The following IL1RAPL2 variants were observed in gnomAD, a reference collection of about 807,000 sequenced individuals.
IL1RAPL2 encodes interleukin 1 receptor accessory protein like 2.
A neutral mutation model predicts 44.1 loss-of-function variants in IL1RAPL2; 3 were observed. That is an observed-to-expected ratio of 0.07 (90% CI 0.03 to 0.18). IL1RAPL2 has a LOEUF of 0.18. Ranked by LOEUF, IL1RAPL2 falls within the 10% of genes least tolerant of loss-of-function variation. The probability of loss-of-function intolerance (pLI) is 1.00; values close to 1 mark genes in which losing one functional copy is unlikely to be tolerated. For missense variants in IL1RAPL2, 391 were observed against 496.4 expected (o/e 0.79, Z 2.02); for synonymous variants, 181 against 178.8 (o/e 1.01, Z -0.10).
chrX:105,633,657 C>G (rs1188965190), intron 6 of IL1RAPL2, among the ~76,000 whole-genome samples: 1 of 111,534 alleles, frequency 9.0e-6, no homozygotes, highest in East Asian at 2.8e-4. Flanking sequence ...GGTTCTCGCA[C>G]CACTTCCACT....
chrX:104,761,802 A>T (rs1175655995), intron 2 of IL1RAPL2, among the ~76,000 whole-genome samples: 8 of 97,696 alleles, frequency 8.2e-5, no homozygotes, highest in Admixed American at 1.1e-4. Flanking sequence ...CAGTCAAATC[A>T]TCTCCTTCTC....
chrX:105,028,378 G>C (rs566583010), intron 2 of IL1RAPL2, among the ~76,000 whole-genome samples: 8 of 111,732 alleles, frequency 7.2e-5, no homozygotes, highest in African/African-American at 2.6e-4. Flanking sequence ...TGATGGGATA[G>C]ATATCCTATT....
intron 2 of IL1RAPL2, among the ~76,000 whole-genome samples, chrX:104,809,239 G>T (rs1932950748): frequency 9.0e-6 from 1 of 111,686 alleles, no homozygotes; most frequent in African/African-American, 3.3e-5. Context: ...GCTTACTTTG[G>T]TCAATGAAAT....
At chrX:104,662,597 C>A (rs1451882600) in intron 2 of IL1RAPL2, among the ~76,000 whole-genome samples, 2 of 111,236 alleles carry the variant, frequency 1.8e-5, no homozygotes, top group East Asian at 5.7e-4. Flanking sequence ...GACACAGGTA[C>A]CTAAAACTAA....
At chrX:104,600,316 G>A (rs1224451088) in intron 1 of IL1RAPL2, among the ~76,000 whole-genome samples, 1 of 111,423 alleles carries the variant, frequency 9.0e-6, no homozygotes, top group Non-Finnish European at 1.9e-5. Context: ...TAACTGTACA[G>A]AACTAGAAGC....
At chrX:104,642,940 G>A (rs1929962638) in intron 1 of IL1RAPL2, among the ~76,000 whole-genome samples, 1 of 112,103 alleles carries the variant, frequency 8.9e-6, no homozygotes, top group Non-Finnish European at 1.9e-5. Context: ...TTGTTATTAG[G>A]AATGTTAGAA....
intron 2 of IL1RAPL2, among the ~76,000 whole-genome samples, chrX:105,076,038 T>A (rs1315751486): frequency 9.0e-6 from 1 of 111,597 alleles, no homozygotes; most frequent in Non-Finnish European, 1.9e-5. Context: ...GTGTCTCTAT[T>A]TCCTTCAGTT....
At chrX:105,728,356 A>ATACTT (rs1276457047) in intron 7 of IL1RAPL2, among the ~76,000 whole-genome samples, 3 of 111,548 alleles carry the variant, frequency 2.7e-5, no homozygotes, top group African/African-American at 6.5e-5. Context: ...TCATGACAAA[A>ATACTT]TACTTTAAAA....
intron 1 of IL1RAPL2, among the ~76,000 whole-genome samples, chrX:104,655,662 G>T (rs1930241211): frequency 9.0e-6 from 1 of 111,445 alleles, no homozygotes; most frequent in Non-Finnish European, 1.9e-5. Context: ...GCCAGGCTTT[G>T]GTATCAGGAT....
intron 2 of IL1RAPL2, among the ~76,000 whole-genome samples, chrX:104,950,265 T>C (rs917095994): frequency 5.3e-5 from 6 of 112,303 alleles, no homozygotes; most frequent in Non-Finnish European, 9.4e-5. Context: ...TTGTTTTCCA[T>C]TTCCTTGGTA....
At chrX:104,933,546 GT>G (rs771775932) in intron 2 of IL1RAPL2, among the ~76,000 whole-genome samples, 1 of 111,657 alleles carries the variant, frequency 9.0e-6, no homozygotes, top group Non-Finnish European at 1.9e-5. Context: ...TGAAGTAGTG[GT>G]AAATTATCTT....
At chrX:104,949,329 C>T (rs1324988363) in intron 2 of IL1RAPL2, among the ~76,000 whole-genome samples, 1 of 111,220 alleles carries the variant, frequency 9.0e-6, no homozygotes, top group South Asian at 3.8e-4. Context: ...ATTAGTCTTG[C>T]TAGCAGTCTA....
At chrX:104,582,596 T>TTTTC (rs201257788) in intron 1 of IL1RAPL2, among the ~76,000 whole-genome samples, 2,777 of 52,076 alleles carry the variant, frequency 0.053, 71 homozygotes, top group Non-Finnish European at 0.083. Flanking sequence ...CTTTCTTTCT[T>TTTTC]TTTCTTTCTT....
At chrX:104,606,054 C>T (rs1487064171) in intron 1 of IL1RAPL2, among the ~76,000 whole-genome samples, 6 of 111,847 alleles carry the variant, frequency 5.4e-5, no homozygotes, top group African/African-American at 2.0e-4. Flanking sequence ...TGATGAACAT[C>T]GATGTGAAAA....
At chrX:104,631,596 T>C (rs1209533760) in intron 1 of IL1RAPL2, among the ~76,000 whole-genome samples, 3 of 112,345 alleles carry the variant, frequency 2.7e-5, no homozygotes, top group Non-Finnish European at 5.6e-5. Context: ...CCAGTGATGA[T>C]GAGCATTTTT....
chrX:105,060,099 T>A (rs2032052692), intron 2 of IL1RAPL2, among the ~76,000 whole-genome samples: 1 of 111,655 alleles, frequency 9.0e-6, no homozygotes, highest in African/African-American at 3.3e-5. Flanking sequence ...TTTGTCCACA[T>A]CCTCGTCAGC....
At chrX:105,507,518 CTG>C (rs2036439410) in intron 6 of IL1RAPL2, among the ~76,000 whole-genome samples, 2 of 111,684 alleles carry the variant, frequency 1.8e-5, no homozygotes, top group Admixed American at 9.5e-5. Flanking sequence ...ATTTAAAAGA[CTG>C]TGCATAAGAT....
At chrX:105,455,867 G>GGTAATTCT (rs1243297831) in intron 5 of IL1RAPL2, among the ~76,000 whole-genome samples, 4 of 111,833 alleles carry the variant, frequency 3.6e-5, no homozygotes, top group Non-Finnish European at 7.5e-5. Context: ...GAATGTCATT[G>GGTAATTCT]GTAATTTAAT....
chrX:104,647,034 T>A (rs1055229231), intron 1 of IL1RAPL2, among the ~76,000 whole-genome samples: 3 of 108,531 alleles, frequency 2.8e-5, no homozygotes, highest in African/African-American at 1.0e-4. Context: ...ATTCCAAACT[T>A]TTTTTTTTTA....
Sources: gnomAD v4.1 joint callset for allele counts (sites outside exome capture counted in the v4.1 genomes callset) on GRCh38, gnomAD v4.1.1 for gene constraint, MANE v1.5 for transcripts, NCBI Gene and HGNC (gene_info 2026-07-23, HGNC 2026-07-21) for gene names.